PTPRK: variants seen among roughly 807,000 people sequenced by gnomAD.
PTPRK encodes receptor-type tyrosine-protein phosphatase kappa.
A neutral mutation model predicts 178.0 loss-of-function variants in PTPRK; 75 were observed. That is an observed-to-expected ratio of 0.42 (90% CI 0.35 to 0.51). PTPRK has a LOEUF of 0.51. Among genes scored for constraint, PTPRK ranks in the 20% least tolerant of loss-of-function variants. PTPRK has a pLI of 0.02. For missense variants in PTPRK, 1,441 were observed against 1,797.8 expected (o/e 0.80, Z 3.59); for synonymous variants, 637 against 620.6 (o/e 1.03, Z -0.39).
intron 2 of PTPRK, among the ~76,000 whole-genome samples, chr6:128,360,498 G>A (rs554798449): frequency 5.3e-5 from 8 of 152,170 alleles, no homozygotes; most frequent in South Asian, 2.1e-4. Flanking sequence ...ATTATATAAC[G>A]TCAAGGTAAA....
At chr6:127,988,911 A>C (rs916386010) in intron 21 of PTPRK, among the ~76,000 whole-genome samples, 12 of 152,074 alleles carry the variant, frequency 7.9e-5, no homozygotes, top group African/African-American at 2.7e-4. Context: ...ATTTCAAAAC[A>C]GAAATCACTT....
intron 4 of PTPRK, 46 bp downstream of exon 4, chr6:128,242,475 A>G: frequency 6.3e-7 from 1 of 1,590,970 alleles, no homozygotes; most frequent in Non-Finnish European, 8.5e-7. Context: ...ATATAAGGCA[A>G]GTGTGGAAAG....
At chr6:128,128,031 G>C (rs1354109211) in intron 7 of PTPRK, among the ~76,000 whole-genome samples, 2 of 152,122 alleles carry the variant, frequency 1.3e-5, no homozygotes, top group East Asian at 3.9e-4. Flanking sequence ...AGAAATTAAT[G>C]AGAAGTTAAG....
At chr6:128,411,188 C>T (rs537743237) in intron 1 of PTPRK, among the ~76,000 whole-genome samples, 152 of 152,254 alleles carry the variant, frequency 1.0e-3, no homozygotes, top group African/African-American at 2.9e-3. Flanking sequence ...CCACCACACC[C>T]GGCCTACCAG....
At chr6:128,454,951 C>A (rs1169985739) in intron 1 of PTPRK, among the ~76,000 whole-genome samples, 1 of 151,982 alleles carries the variant, frequency 6.6e-6, no homozygotes, top group African/African-American at 2.4e-5. Context: ...ATAAGGATTC[C>A]TCTGGGGATT....
At chr6:128,109,030 C>T (rs879025170) in intron 7 of PTPRK, among the ~76,000 whole-genome samples, 2 of 152,046 alleles carry the variant, frequency 1.3e-5, no homozygotes, top group Non-Finnish European at 2.9e-5. Context: ...TGGGGGAACA[C>T]AAACATTTAG....
At chr6:128,449,410 A>G (rs1034181306) in intron 1 of PTPRK, among the ~76,000 whole-genome samples, 4 of 152,196 alleles carry the variant, frequency 2.6e-5, no homozygotes, top group Non-Finnish European at 5.9e-5. Flanking sequence ...GGTATCTGAT[A>G]TCAATCTCTA....
chr6:128,282,854 G>T (rs1197730321), intron 3 of PTPRK, among the ~76,000 whole-genome samples: 1 of 152,114 alleles, frequency 6.6e-6, no homozygotes, highest in Non-Finnish European at 1.5e-5. Flanking sequence ...ACCACAACTT[G>T]TGAGATAAAG....
chr6:128,515,089 A>T (rs1167841250), intron 1 of PTPRK, among the ~76,000 whole-genome samples: 1 of 152,222 alleles, frequency 6.6e-6, no homozygotes, highest in Non-Finnish European at 1.5e-5. Context: ...ATCAAACATC[A>T]TAACATTTTT....
At chr6:128,383,318 G>T (rs1489069940) in intron 2 of PTPRK, among the ~76,000 whole-genome samples, 1 of 151,816 alleles carries the variant, frequency 6.6e-6, no homozygotes, top group Non-Finnish European at 1.5e-5. Flanking sequence ...CATGTAACAT[G>T]CAGAAAAAAA....
intron 7 of PTPRK, among the ~76,000 whole-genome samples, chr6:128,125,597 CTTTTCTTTTTTTTTTTT>C (rs1225996142): frequency 1.2e-5 from 1 of 82,146 alleles, no homozygotes; most frequent in Non-Finnish European, 2.4e-5. Flanking sequence ...TGCCTTTGGG[CTTTTCTTTTTTTTTTTT>C]TTTTTTTTTT....
At chr6:128,507,034 T>C (rs2128440784) in intron 1 of PTPRK, among the ~76,000 whole-genome samples, 1 of 152,192 alleles carries the variant, frequency 6.6e-6, no homozygotes, top group South Asian at 2.1e-4. Flanking sequence ...GAATGGGTAC[T>C]TTCCCATTTT....
intron 22 of PTPRK, among the ~76,000 whole-genome samples, chr6:127,984,994 A>C (rs1775776761): frequency 6.6e-6 from 1 of 152,196 alleles, no homozygotes; most frequent in South Asian, 2.1e-4. Flanking sequence ...AAAAATGCTT[A>C]GGTACAACCT....
chr6:128,463,997 T>C (rs570686082), intron 1 of PTPRK, among the ~76,000 whole-genome samples: 5 of 151,968 alleles, frequency 3.3e-5, no homozygotes, highest in Admixed American at 3.3e-4. Context: ...TCAGGCGATC[T>C]GCCTGCCTCA....
At chr6:128,052,266 A>G (rs1191654182) in intron 13 of PTPRK, among the ~76,000 whole-genome samples, 1 of 152,170 alleles carries the variant, frequency 6.6e-6, no homozygotes, top group African/African-American at 2.4e-5. Context: ...TCCCATAAAC[A>G]AGGACATTTT....
At chr6:128,037,702 A>G (rs979615345) in intron 13 of PTPRK, among the ~76,000 whole-genome samples, 2 of 152,188 alleles carry the variant, frequency 1.3e-5, no homozygotes, top group African/African-American at 4.8e-5. Flanking sequence ...CATGTCAGTA[A>G]ATAAATTTTG....
At chr6:128,003,839 T>C (rs918255022) in intron 15 of PTPRK, among the ~76,000 whole-genome samples, 1 of 151,882 alleles carries the variant, frequency 6.6e-6, no homozygotes, top group Non-Finnish European at 1.5e-5. Flanking sequence ...CATTTATCTA[T>C]AGTGAAATAA....
chr6:128,133,281 C>G (rs1046885150), intron 7 of PTPRK, among the ~76,000 whole-genome samples: 1 of 152,048 alleles, frequency 6.6e-6, no homozygotes, highest in African/African-American at 2.4e-5. Flanking sequence ...CGGTTTATTT[C>G]AGGTTTAAAA....
At chr6:128,357,427 T>C (rs1834106575) in intron 2 of PTPRK, among the ~76,000 whole-genome samples, 1 of 152,146 alleles carries the variant, frequency 6.6e-6, no homozygotes. Flanking sequence ...TATAACATCA[T>C]GTAGGAAATA....
Sources: gnomAD v4.1 joint callset for allele counts (sites outside exome capture counted in the v4.1 genomes callset) on GRCh38, gnomAD v4.1.1 for gene constraint, MANE v1.5 for transcripts, NCBI Gene and HGNC (gene_info 2026-07-23, HGNC 2026-07-21) for gene names.